The following GM2A variants were observed in gnomAD, a reference collection of about 807,000 sequenced individuals.
GM2A encodes the protein GM2 ganglioside activator.
GM2A carries 7 observed loss-of-function variants against 12.9 expected under a neutral mutation model. The observed-to-expected ratio is 0.54, with a 90% CI of 0.31 to 1.02. GM2A has a LOEUF of 1.02. Ranked by LOEUF, GM2A falls within the 50% of genes least tolerant of loss-of-function variation. The pLI, the probability that GM2A is intolerant of heterozygous loss-of-function variation, is 0.05. For synonymous variants in GM2A, 101 were observed against 96.0 expected (o/e 1.05, Z -0.30); for missense variants, 246 against 241.0 (o/e 1.02, Z -0.14).
intron 3 of GM2A, 150 bp downstream of exon 3, chr5:151,267,063 G>C: frequency 2.3e-6 from 2 of 853,164 alleles, no homozygotes; most frequent in South Asian, 1.4e-5. Context: ...TCTTCCGGGA[G>C]CCTCAGTTAT....
Position 151,268,644 on chromosome 5 carries a change from C to A in GM2A, c.*1193C>A. ...TGTGAAGACAACTGCCAGATACTGG[C>A]AATACTCCAGCCTGGTGACAGAGTG... On this transcript the variant is annotated 3_prime_UTR_variant, in exon 4 of 4. Coordinates refer to ENST00000357164, the MANE Select transcript of GM2A (RefSeq NM_000405.5). The A allele has an allele frequency of 2.8e-6, 2 of 716,272 alleles. No homozygotes were observed. The highest frequency in any genetic ancestry group is 3.4e-6 in the Non-Finnish European group (2 of 584,658). The allele number at this position is 716,272 out of a possible 1,614,324, so 44.4% of individuals were successfully genotyped here.
rs1753976330 is a variant in GM2A at position 151,269,963 on chromosome 5, C to T, written c.*2512C>T. On this transcript the variant is annotated 3_prime_UTR_variant, in exon 4 of 4. Coordinates refer to ENST00000357164, the MANE Select transcript of GM2A (RefSeq NM_000405.5). ...TGACACCTCACCTGGCAATGACCTCCACAGCCGTTTCCCTCTGTTGGATCT... is the reference window on the plus strand; with the variant it reads ...TGACACCTCACCTGGCAATGACCTCTACAGCCGTTTCCCTCTGTTGGATCT... The T allele has an allele frequency of 2.5e-6, 3 of 1,215,014 alleles. No individual in the cohort carries two copies. Among genetic ancestry groups the T allele is most frequent in the Non-Finnish European group, 3.1e-6 (3 of 978,018 alleles). 75.3% of individuals were successfully genotyped at this position (1,215,014 alleles called of 1,614,324 possible).
chr5:151,254,829 G>A (rs960031792), intron 1 of GM2A, among the ~76,000 whole-genome samples: 1 of 152,122 alleles, frequency 6.6e-6, no homozygotes, highest in Non-Finnish European at 1.5e-5. Context: ...AAAACAGTAT[G>A]GATACTAAAA....
rs1753950310 is a variant in GM2A, at chr5:151,268,812, G to A, written c.*1361G>A. The A allele has an allele frequency of 3.2e-6, 3 of 939,836 alleles. No homozygotes were observed. Among genetic ancestry groups the A allele is most frequent in the South Asian group, 9.8e-5 (2 of 20,364 alleles). The allele number at this position is 939,836 out of a possible 1,614,324, so 58.2% of individuals were successfully genotyped here. ...CTGTGCAGTGTGATGTGTCCCAAAC[G>A]GACTGGCTCATGGGTGGCCACGTCA... On this transcript the variant is annotated 3_prime_UTR_variant, in exon 4 of 4. Coordinates refer to ENST00000357164, the MANE Select transcript of GM2A (RefSeq NM_000405.5).
intron 1 of GM2A, 144 bp from the exon 2 acceptor site, chr5:151,259,611 A>G (rs774838727): frequency 8.4e-6 from 6 of 710,146 alleles, no homozygotes; most frequent in South Asian, 7.7e-5. Context: ...CTTCATAGGT[A>G]TGGAGTCTCA....
intron 1 of GM2A, among the ~76,000 whole-genome samples, chr5:151,255,107 G>T (rs905423030): frequency 1.3e-5 from 2 of 152,174 alleles, no homozygotes; most frequent in African/African-American, 4.8e-5. Flanking sequence ...TTCAAGACCA[G>T]CCTGGGCAAC....
intron 1 of GM2A, among the ~76,000 whole-genome samples, chr5:151,258,437 T>C (rs2114030900): frequency 6.6e-6 from 1 of 152,382 alleles, no homozygotes; most frequent in South Asian, 2.1e-4. Flanking sequence ...GGCAGAGCTA[T>C]GATTTCCACC....
chr5:151,268,189 C>T lies in GM2A; in HGVS notation c.*738C>T, dbSNP rs1753933289. The stretch of plus-strand genomic sequence containing the variant: ...TTTTTTTTTTTGAGACAGAATCTCA[C>T]TTTGTCACCAGGCTGGAGTGCAGTG... On this transcript the variant is annotated 3_prime_UTR_variant, in exon 4 of 4. Coordinates refer to ENST00000357164, the MANE Select transcript of GM2A (RefSeq NM_000405.5). The T allele has an allele frequency of 1.1e-6, 1 of 911,492 alleles. No individual in the cohort carries two copies. The highest frequency in any genetic ancestry group is 1.3e-6 in the Non-Finnish European group (1 of 764,990). The allele number at this position is 911,492 out of a possible 1,614,324, so 56.5% of individuals were successfully genotyped here. A position where few individuals can be genotyped will look rare whatever the true frequency, so the allele number is the denominator to read the frequency against.
intron 1 of GM2A, among the ~76,000 whole-genome samples, chr5:151,256,608 GAAA>G (rs60009533): frequency 8.2e-6 from 1 of 121,654 alleles, no homozygotes; most frequent in African/African-American, 3.1e-5. Context: ...TCTGTCTCAA[GAAA>G]AAAAAAAAAA....
chr5:151,256,049 G>T (rs553041289), intron 1 of GM2A, among the ~76,000 whole-genome samples: 4 of 152,132 alleles, frequency 2.6e-5, no homozygotes, highest in African/African-American at 9.7e-5. Flanking sequence ...AGATGGGGGT[G>T]GGGGGTGACA....
chr5:151,268,405 G>A lies in GM2A; in HGVS notation c.*954G>A, dbSNP rs1270626083. 1.1e-6 allele frequency: 1 copy of A among 888,058 alleles called. No individual in the cohort carries two copies. The highest frequency in any genetic ancestry group is 1.3e-6 in the Non-Finnish European group (1 of 741,306). 55.0% of individuals were successfully genotyped at this position (888,058 alleles called of 1,614,324 possible). A position where few individuals can be genotyped will look rare whatever the true frequency, so the allele number is the denominator to read the frequency against. ...CTTGACCTCGTGATCTGTCCACCTT[G>A]GCCTTGCAAAGCGCTGGATTACAGG... is the stretch of plus-strand genomic sequence containing the variant. On this transcript the variant is annotated 3_prime_UTR_variant, in exon 4 of 4. Coordinates refer to ENST00000357164, the MANE Select transcript of GM2A (RefSeq NM_000405.5).
chr5:151,267,248 C>T (rs1753904806), intron 3 of GM2A, 48 bp from the exon 4 acceptor site: 3 of 1,613,190 alleles, frequency 1.9e-6, no homozygotes, highest in East Asian at 2.2e-5. Context: ...GGAGAAAGAC[C>T]CCATCAGTAG....
Position 151,268,159 on chromosome 5 carries a change from C to A in GM2A, c.*708C>A. On this transcript the variant is annotated 3_prime_UTR_variant, in exon 4 of 4. Coordinates refer to ENST00000357164, the MANE Select transcript of GM2A (RefSeq NM_000405.5). Reference sequence around the variant, plus strand: ...GCTTCCAGGCTTGATTTCGATTTTTCGCTTTTTTTTTTTTTGAGACAGAAT... The same window carrying A: ...GCTTCCAGGCTTGATTTCGATTTTTAGCTTTTTTTTTTTTTGAGACAGAAT... 3.3e-6 allele frequency: 3 copies of A among 908,726 alleles called. No individual in the cohort carries two copies. The highest frequency in any genetic ancestry group is 3.7e-6 in the Non-Finnish European group (3 of 800,354). 56.3% of individuals were successfully genotyped at this position (908,726 alleles called of 1,614,324 possible).
chr5:151,260,852 T>G (rs1279716587), intron 2 of GM2A, among the ~76,000 whole-genome samples: 1 of 152,180 alleles, frequency 6.6e-6, no homozygotes, highest in Non-Finnish European at 1.5e-5. Context: ...ATATATCCCA[T>G]CAGAATTTTT....
At chr5:151,263,551 T>G (rs553078182) in intron 2 of GM2A, among the ~76,000 whole-genome samples, 1 of 152,238 alleles carries the variant, frequency 6.6e-6, no homozygotes, top group African/African-American at 2.4e-5. Flanking sequence ...CAAAGCTAGT[T>G]GTTAGCATGG....
Position 151,266,567 on chromosome 5 carries a change from A to G in GM2A, c.244-164A>G, listed in dbSNP as rs571171107. Reference sequence around the variant, plus strand: ...ACACTATACTCACACATGGGCCACAATGTTGCCATTCCTAGAACAGACTAT... The same window carrying G: ...ACACTATACTCACACATGGGCCACAGTGTTGCCATTCCTAGAACAGACTAT... On this transcript the variant is annotated intron_variant, in intron 2 of 3. Coordinates refer to ENST00000357164, the MANE Select transcript of GM2A (RefSeq NM_000405.5). Among the ~76,000 whole-genome samples, 77 of 152,298 alleles carry G rather than the reference A, an allele frequency of 5.1e-4. No homozygotes were observed. The South Asian group carries it at 0.013, about 25-fold the overall frequency.
chr5:151,264,943 C>T (rs1753856411), intron 2 of GM2A, among the ~76,000 whole-genome samples: 2 of 151,426 alleles, frequency 1.3e-5, no homozygotes, highest in Admixed American at 1.3e-4. Context: ...AATCACACCA[C>T]TATACTCCAG....
rs779755266 is a variant in GM2A, at chr5:151,267,300, C to T, written c.431C>T (p.Thr144Ile). The change falls in exon 4 of 4, where the codon ACC becomes ATC. Residue 144 changes from threonine (T) to isoleucine (I), a missense_variant. Physicochemically the swap from Thr to Ile is moderately conservative, Grantham distance 89. Coordinates refer to ENST00000357164, the MANE Select transcript of GM2A (RefSeq NM_000405.5). Reference protein sequence around the residue: ...LPCHCPFKEGTYSLPKSEFVV... With the variant: ...LPCHCPFKEGIYSLPKSEFVV... ...GGTCCACTGGCTTTCCCGCAGGGAA[C>T]CTACTCACTGCCCAAGAGCGAATTC... is the stretch of plus-strand genomic sequence containing the variant. 2 of 1,613,958 alleles carry T rather than the reference C, an allele frequency of 1.2e-6. No individual in the cohort carries two copies. The highest frequency in any genetic ancestry group is 2.7e-5 in the African/African-American group (2 of 74,910).
At position 151,253,353 on chromosome 5, in the gene GM2A, G is replaced by A; in HGVS notation, c.81+56G>A. Reference sequence around the variant, plus strand: ...GCAGCCTCCTGGCCCAGCTACGGGTGTGCGGGTCTGGCTGAGATATGGGGG... The same window carrying A: ...GCAGCCTCCTGGCCCAGCTACGGGTATGCGGGTCTGGCTGAGATATGGGGG... On this transcript the variant is annotated intron_variant, in intron 1 of 3. Coordinates refer to ENST00000357164, the MANE Select transcript of GM2A (RefSeq NM_000405.5). 2.3e-6 allele frequency: 3 copies of A among 1,319,950 alleles called. No individual in the cohort carries two copies. The South Asian group carries it at 3.5e-5, about 16-fold the overall frequency. 81.8% of individuals were successfully genotyped at this position (1,319,950 alleles called of 1,614,324 possible).
Sources: allele counts gnomAD v4.1 joint callset (sites outside exome capture counted in the v4.1 genomes callset), GRCh38; gene constraint gnomAD v4.1.1; transcripts MANE v1.5; gene names NCBI Gene and HGNC (gene_info 2026-07-23, HGNC 2026-07-21).